The following FLT1 variants were observed in gnomAD, a reference collection of about 807,000 sequenced individuals.
FLT1 encodes fms related receptor tyrosine kinase 1, also known as vascular endothelial growth factor receptor 1.
In FLT1, 49 loss-of-function variants were observed where a neutral mutation model predicts 156.3. That is an observed-to-expected ratio of 0.31 (90% CI 0.25 to 0.40). The LOEUF (loss-of-function observed/expected upper bound fraction) is 0.40, where lower values mean the gene tolerates loss of function less well. Among genes scored for constraint, FLT1 ranks in the 10% least tolerant of loss-of-function variants. The pLI is 1.00. For synonymous variants in FLT1, 594 were observed against 583.8 expected (o/e 1.02, Z -0.25); for missense variants, 1,322 against 1,637.2 (o/e 0.81, Z 3.32).
chr13:28,384,985 C>T lies in FLT1; in HGVS notation c.2016G>A (p.Val672=), dbSNP rs1468289835. 6.2e-7 allele frequency: 1 copy of T among 1,613,916 alleles called. No homozygotes were observed. Among genetic ancestry groups the T allele is most frequent in the Non-Finnish European group, 8.5e-7 (1 of 1,179,962 alleles). Residue 672 remains valine (V), a synonymous_variant, in exon 14 of 30, where the codon GTG becomes GTA. Transcript: ENST00000282397. The part of the protein sequence containing the change: ...YLLRNLSDHT[V]AISSSTTLDC... ...CTAAAGTGGTGGAACTGCTGATGGC[C>T]ACTGTGTGATCACTGAGGTTTCGCA...
At chr13:28,339,078 T>C in intron 17 of FLT1, 90 bp downstream of exon 17, 1 of 1,228,190 alleles carries the variant, frequency 8.1e-7, no homozygotes, top group Non-Finnish European at 1.2e-6. Context: ...ATCCCAGGTC[T>C]AGTTTACTTT....
rs78368297 is a variant in FLT1, at chr13:28,433,760, G to A, written c.813+59C>T. ...ATTTTTCCCATCTCAAAACCCCTGC[G>A]GGATTTCACTTGCTTAAAATACTGT... On this transcript the variant is annotated intron_variant, in intron 6 of 29. Coordinates refer to ENST00000282397, the MANE Select transcript of FLT1 (RefSeq NM_002019.4). The A allele has an allele frequency of 2.4e-3, 3,650 of 1,523,694 alleles. 73 individuals carry two copies. The African/African-American group carries it at 0.041, about 17-fold the overall frequency. 94.4% of individuals were successfully genotyped at this position (1,523,694 alleles called of 1,614,324 possible).
chr13:28,467,129 C>G lies in FLT1; in HGVS notation c.162G>C (p.Arg54Ser), dbSNP rs141440705. ...QAGQTLHLQCRGEAAHKWSLP... is the reference protein window; with the variant it reads ...QAGQTLHLQCSGEAAHKWSLP... ...AAGACCATTTATGGGCTGCTTCCCC[C>G]CTGCAATCACAGATAAGAAAACAAA... Residue 54 changes from arginine to serine, a missense_variant and splice_region_variant, in exon 3 of 30, where the codon AGG (arginine) becomes AGC (serine). Physicochemically the swap from Arg to Ser is moderately radical, Grantham distance 110. Transcript: ENST00000282397. 1.5e-3 allele frequency: 2,365 copies of G among 1,610,932 alleles called. 26 individuals carry two copies. The highest frequency in any genetic ancestry group is 7.0e-4 in the Non-Finnish European group (828 of 1,177,702).
intron 15 of FLT1, among the ~76,000 whole-genome samples, chr13:28,349,458 A>G (rs1250829841): frequency 7.9e-6 from 1 of 126,626 alleles, no homozygotes; most frequent in African/African-American, 2.7e-5. Context: ...ACACACACAC[A>G]CATGCGCACA....
chr13:28,449,266 G>C (rs1010172612), intron 3 of FLT1, among the ~76,000 whole-genome samples: 1 of 152,120 alleles, frequency 6.6e-6, no homozygotes, highest in African/African-American at 2.4e-5. Context: ...GCAAGACCCT[G>C]TCTCTAAGAA....
chr13:28,338,860 G>C (rs1489004623), intron 17 of FLT1, among the ~76,000 whole-genome samples: 1 of 152,136 alleles, frequency 6.6e-6, no homozygotes. Context: ...CCTATCTCCA[G>C]ACTGAGCCCT....
At chr13:28,375,382 T>G (rs1042487199) in intron 14 of FLT1, among the ~76,000 whole-genome samples, 10 of 31,080 alleles carry the variant, frequency 3.2e-4, no homozygotes, top group Middle Eastern at 0.025. Context: ...AAGCAACATT[T>G]TCAATTTTTT....
chr13:28,310,795 G>A (rs780384388), intron 27 of FLT1, among the ~76,000 whole-genome samples: 8 of 152,130 alleles, frequency 5.3e-5, no homozygotes, highest in Non-Finnish European at 8.8e-5. Context: ...TCAATGTAAT[G>A]GGGAAAAGAA....
Position 28,339,274 on chromosome 13 carries a change from G to T in FLT1, c.2382C>A (p.Tyr794Ter), listed in dbSNP as rs147704881. Residue 794 changes from tyrosine (Y) to a stop codon, truncating the protein, a stop_gained, in exon 17 of 30, where the codon TAC (tyrosine) becomes TAA (stop). Coordinates refer to ENST00000282397, the MANE Select transcript of FLT1 (RefSeq NM_002019.4). LOFTEE classifies it high-confidence loss of function. ...KRSSSEIKTD[Y>*]LSIIMDPDEV... ...CATCTGGGTCCATTATAATTGATAGGTAGTCAGTCTTTATTTCAGAAGAAG... is the reference window on the plus strand; with the variant it reads ...CATCTGGGTCCATTATAATTGATAGTTAGTCAGTCTTTATTTCAGAAGAAG... 6.2e-7 allele frequency: 1 copy of T among 1,612,982 alleles called. No individual in the cohort carries two copies. Among genetic ancestry groups the T allele is most frequent in the Non-Finnish European group, 8.5e-7 (1 of 1,179,184 alleles).
At chr13:28,309,712 C>A (rs1415331761) in intron 27 of FLT1, among the ~76,000 whole-genome samples, 1 of 137,458 alleles carries the variant, frequency 7.3e-6, no homozygotes, top group Non-Finnish European at 1.6e-5. Context: ...TTATTTAATC[C>A]GAACTAGTTT....
chr13:28,312,218 G>A (rs1046705328), intron 25 of FLT1, 120 bp from the exon 26 acceptor site: 5 of 731,608 alleles, frequency 6.8e-6, no homozygotes, highest in African/African-American at 3.4e-5. Context: ...TCTGTACTAT[G>A]TGACCCTGCT....
At chr13:28,410,298 T>C (rs1566011379) in intron 10 of FLT1, among the ~76,000 whole-genome samples, 1 of 152,218 alleles carries the variant, frequency 6.6e-6, no homozygotes, top group Non-Finnish European at 1.5e-5. Context: ...CCCAGCTGGG[T>C]GAGCGTTAGC....
At chr13:28,426,970 C>T (rs1381182227) in intron 10 of FLT1, among the ~76,000 whole-genome samples, 189 bp downstream of exon 10, 1 of 152,026 alleles carries the variant, frequency 6.6e-6, no homozygotes, top group East Asian at 1.9e-4. Context: ...AAATTGTTAG[C>T]CAGTGATAGG....
intron 3 of FLT1, among the ~76,000 whole-genome samples, chr13:28,443,071 C>T (rs1878422565): frequency 6.6e-6 from 1 of 152,176 alleles, no homozygotes; most frequent in African/African-American, 2.4e-5. Flanking sequence ...AGCTCAGACA[C>T]ACTGTCACCA....
At chr13:28,339,515 A>C (rs1318803622) in intron 16 of FLT1, among the ~76,000 whole-genome samples, 1 of 152,228 alleles carries the variant, frequency 6.6e-6, no homozygotes, top group Non-Finnish European at 1.5e-5. Context: ...ACATTTCTGT[A>C]ATGTGAGCTC....
Position 28,389,984 on chromosome 13 carries a change from G to A in FLT1, c.1781C>T (p.Thr594Ile), listed in dbSNP as rs139586546. Residue 594 changes from threonine (T) to isoleucine (I), a missense_variant, in exon 13 of 30, where the codon ACA becomes ATA. Physicochemically the swap from Thr to Ile is moderately conservative, Grantham distance 89. Coordinates refer to ENST00000282397, the MANE Select transcript of FLT1 (RefSeq NM_002019.4). ...YRDVTWILLR[T>I]VNNRTMHYSI... ...GTAGTGCATTGTTCTGTTATTAACT[G>A]TCCGCAGTAAAATCCAAGTAACGTC... The A allele has an allele frequency of 1.1e-5, 17 of 1,613,944 alleles. No individual in the cohort carries two copies. The African/African-American group carries it at 1.9e-4, about 18-fold the overall frequency.
rs1299337835 is a variant in FLT1 at position 28,439,419 on chromosome 13, T to C, written c.389-1074A>G. 6.6e-6 allele frequency among the ~76,000 whole-genome samples: 1 copy of C among 152,172 alleles called. No homozygotes were observed. Among genetic ancestry groups the C allele is most frequent in the African/African-American group, 2.4e-5 (1 of 41,430 alleles). On this transcript the variant is annotated intron_variant, in intron 3 of 29. Coordinates refer to ENST00000282397, the MANE Select transcript of FLT1 (RefSeq NM_002019.4). This position sits in a 1 kb window ranked among gnomAD's most constrained non-coding sequence, Gnocchi z 4.1. ...GGATTACGAAGCTAATTCAGGATGC[T>C]GAATGGAGAAGGAATTGGAGAGAAA...
At chr13:28,451,151 G>A (rs1288431203) in intron 3 of FLT1, among the ~76,000 whole-genome samples, 1 of 152,180 alleles carries the variant, frequency 6.6e-6, no homozygotes, top group Non-Finnish European at 1.5e-5. Flanking sequence ...GGCCAGGCAC[G>A]GTGGCTGACG....
At chr13:28,338,640 T>A (rs1378285750) in intron 17 of FLT1, among the ~76,000 whole-genome samples, 1 of 152,156 alleles carries the variant, frequency 6.6e-6, no homozygotes, top group East Asian at 1.9e-4. Context: ...AATCAAAGTA[T>A]GTAATTTGTG....
Sources: gnomAD v4.1 joint callset for allele counts (sites outside exome capture counted in the v4.1 genomes callset) on GRCh38, gnomAD v4.1.1 for gene constraint, Gnocchi (gnomAD v3.1) non-coding constraint, MANE v1.5 for transcripts, NCBI Gene and HGNC (gene_info 2026-07-23, HGNC 2026-07-21) for gene names.